LRFN2: variants seen among roughly 807,000 people sequenced by gnomAD.
LRFN2 encodes leucine rich repeat and fibronectin type III domain containing 2, also known as leucine-rich repeat and fibronectin type-III domain-containing protein 2.
Under a neutral mutation model 37.3 loss-of-function variants are expected in LRFN2, and 18 were observed. The observed-to-expected ratio is 0.48, with a 90% CI of 0.33 to 0.72. LRFN2 has a LOEUF of 0.72. LRFN2 is among the 30% of genes least tolerant of loss of function. The pLI is 0.02. For synonymous variants in LRFN2, 556 were observed against 466.6 expected (o/e 1.19, Z -2.47); for missense variants, 1,006 against 1,060.7 (o/e 0.95, Z 0.72).
At chr6:40,492,546 C>A (rs145440618) in intron 1 of LRFN2, among the ~76,000 whole-genome samples, 56 of 152,318 alleles carry the variant, frequency 3.7e-4, no homozygotes, top group South Asian at 1.0e-3. Flanking sequence ...AGAATGAAAA[C>A]AATTGATTAT....
intron 1 of LRFN2, chr6:40,523,849 C>G (rs987743375): frequency 2.6e-5 from 4 of 152,328 alleles, no homozygotes; most frequent in Admixed American, 2.6e-4. Flanking sequence ...TCTGTGGCAG[C>G]ACGAACAGGT....
At chr6:40,393,087 G>A (rs1298095436) in intron 2 of LRFN2, among the ~76,000 whole-genome samples, 175 bp from the exon 3 acceptor site, 1 of 150,700 alleles carries the variant, frequency 6.6e-6, no homozygotes, top group Non-Finnish European at 1.5e-5. Context: ...AGGGACAGAG[G>A]AGTGAAGAGA....
chr6:40,514,172 A>AGGGT (rs1005779380), intron 1 of LRFN2, among the ~76,000 whole-genome samples: 1 of 152,156 alleles, frequency 6.6e-6, no homozygotes, highest in Non-Finnish European at 1.5e-5. Context: ...AATGCTCTAC[A>AGGGT]GGGTGTTCTG....
intron 2 of LRFN2, among the ~76,000 whole-genome samples, chr6:40,419,741 G>T (rs1364678419): frequency 1.3e-5 from 2 of 151,830 alleles, no homozygotes; most frequent in Admixed American, 6.6e-5. Flanking sequence ...ACCCCGCACA[G>T]CCTCCTTCCT....
At chr6:40,544,303 TAA>T (rs1311439163) in intron 1 of LRFN2, among the ~76,000 whole-genome samples, 1 of 152,216 alleles carries the variant, frequency 6.6e-6, no homozygotes, top group Non-Finnish European at 1.5e-5. Flanking sequence ...CACCTGACGC[TAA>T]GTTATTGAGG....
intron 1 of LRFN2, among the ~76,000 whole-genome samples, chr6:40,582,865 C>G (rs1422639707): frequency 6.6e-6 from 1 of 152,128 alleles, no homozygotes; most frequent in Non-Finnish European, 1.5e-5. Flanking sequence ...GCCTTGTGTT[C>G]TTGGGCAGTC....
chr6:40,489,492 G>A (rs1441697176), intron 1 of LRFN2, among the ~76,000 whole-genome samples: 1 of 152,188 alleles, frequency 6.6e-6, no homozygotes, highest in Non-Finnish European at 1.5e-5. Flanking sequence ...GCCCGGTGAA[G>A]GGAGATTGTG....
chr6:40,493,944 C>T (rs989433701), intron 1 of LRFN2, among the ~76,000 whole-genome samples: 2 of 152,214 alleles, frequency 1.3e-5, no homozygotes, highest in South Asian at 2.1e-4. Flanking sequence ...TTCACCAGAG[C>T]CTCACCTGCT....
intron 1 of LRFN2, among the ~76,000 whole-genome samples, chr6:40,505,074 G>A (rs759222788): frequency 4.6e-5 from 7 of 152,212 alleles, no homozygotes; most frequent in South Asian, 2.1e-4. Flanking sequence ...ACAGTTGCCC[G>A]TGGCCTCGGC....
chr6:40,460,984 T>C (rs953340799), intron 1 of LRFN2, among the ~76,000 whole-genome samples: 1 of 152,202 alleles, frequency 6.6e-6, no homozygotes, highest in Non-Finnish European at 1.5e-5. Context: ...AATGACATTA[T>C]TTTCCATCAT....
At chr6:40,407,716 A>T (rs1581682518) in intron 2 of LRFN2, 1 of 152,320 alleles carries the variant, frequency 6.6e-6, no homozygotes, top group South Asian at 2.1e-4. Flanking sequence ...TCACGCTAGA[A>T]CAGCCAGCAG....
chr6:40,410,730 C>A (rs1303560832), intron 2 of LRFN2, among the ~76,000 whole-genome samples: 1 of 152,142 alleles, frequency 6.6e-6, no homozygotes, highest in Admixed American at 6.5e-5. Flanking sequence ...GCAGCAGGAC[C>A]CCTCCTGGTG....
chr6:40,527,888 CAT>C (rs2113907158), intron 1 of LRFN2, among the ~76,000 whole-genome samples: 1 of 152,294 alleles, frequency 6.6e-6, no homozygotes, highest in East Asian at 1.9e-4. Flanking sequence ...TGCTGCCAGA[CAT>C]AACAATAATC....
intron 2 of LRFN2, among the ~76,000 whole-genome samples, chr6:40,406,155 C>A (rs1457350400): frequency 3.3e-5 from 5 of 152,194 alleles, no homozygotes; most frequent in African/African-American, 1.2e-4. Context: ...TTGGGCAAGC[C>A]ACGTAACCAC....
intron 1 of LRFN2, among the ~76,000 whole-genome samples, chr6:40,525,693 C>T (rs1766232851): frequency 6.6e-6 from 1 of 152,184 alleles, no homozygotes; most frequent in Admixed American, 6.5e-5. Context: ...TCTTGCCATA[C>T]TTTCTTCTTA....
At chr6:40,484,351 C>A (rs945810017) in intron 1 of LRFN2, among the ~76,000 whole-genome samples, 1 of 152,166 alleles carries the variant, frequency 6.6e-6, no homozygotes, top group Non-Finnish European at 1.5e-5. Context: ...AATGCAGGCC[C>A]AAACTAAGGA....
At chr6:40,393,832 C>G (rs1038097331) in intron 2 of LRFN2, among the ~76,000 whole-genome samples, 3 of 152,162 alleles carry the variant, frequency 2.0e-5, no homozygotes, top group Non-Finnish European at 4.4e-5. Context: ...GCCAGCACCA[C>G]CCACACCTCC....
In LRFN2 at chr6:40,432,454, G is replaced by A. The variant is rs1374473307; in HGVS notation, c.660C>T (p.Arg220=). 13 of 1,614,098 alleles carry A rather than the reference G, an allele frequency of 8.1e-6. No homozygotes were observed. Among genetic ancestry groups the A allele is most frequent in the Non-Finnish European group, 1.1e-5 (13 of 1,180,054 alleles). The change falls in exon 2 of 3, where the codon CGC becomes CGT. Residue 220 remains arginine, a synonymous_variant. Transcript: ENST00000338305. ...QKLPPDPIFA[R]SQASALTATP... is the part of the protein sequence containing the mutation. ...TGGCTGTCAAAGCCGAAGCCTGGGA[G>A]CGGGCAAAGATGGGATCAGGGGGCA...
intron 1 of LRFN2, among the ~76,000 whole-genome samples, chr6:40,542,334 GGGGGTCATTAA>G (rs1187312323): frequency 7.2e-5 from 11 of 152,274 alleles, no homozygotes; most frequent in African/African-American, 2.2e-4. Flanking sequence ...GGTGGCAGCA[GGGGGTCATTAA>G]GGATGCAGCC....
Sources: gnomAD v4.1 joint callset for allele counts (sites outside exome capture counted in the v4.1 genomes callset) on GRCh38, gnomAD v4.1.1 for gene constraint, MANE v1.5 for transcripts, NCBI Gene and HGNC (gene_info 2026-07-23, HGNC 2026-07-21) for gene names.